PDCD6IP: variants seen among roughly 807,000 people sequenced by gnomAD.
PDCD6IP encodes programmed cell death 6-interacting protein.
PDCD6IP carries 43 observed loss-of-function variants against 103.7 expected under a neutral mutation model. That is an observed-to-expected ratio of 0.41 (90% CI 0.32 to 0.53). PDCD6IP has a LOEUF of 0.53. Among genes scored for constraint, PDCD6IP ranks in the 20% least tolerant of loss-of-function variants. PDCD6IP has a pLI of 0.16. For missense variants in PDCD6IP, 871 were observed against 1,036.7 expected, an observed-to-expected ratio of 0.84 and a Z score of 2.20; for synonymous variants, 354 against 378.7, an observed-to-expected ratio of 0.93 and a Z score of 0.76.
intron 4 of PDCD6IP, among the ~76,000 whole-genome samples, chr3:33,824,296 T>G (rs982181796): frequency 6.6e-6 from 1 of 151,828 alleles, no homozygotes; most frequent in African/African-American, 2.4e-5. Context: ...CTCGCTCTGT[T>G]GCCCAGGCAG....
At chr3:33,800,741 AG>A (rs1397639309) in intron 1 of PDCD6IP, among the ~76,000 whole-genome samples, 1 of 152,236 alleles carries the variant, frequency 6.6e-6, no homozygotes, top group Non-Finnish European at 1.5e-5. Flanking sequence ...AGTAATATTA[AG>A]AAAACATAGT....
At position 33,869,166 on chromosome 3, in the gene PDCD6IP, C is replaced by T. The variant is rs2125458362; in HGVS notation, c.*2641C>T. 1 of 152,276 alleles carries T rather than the reference C, an allele frequency of 6.6e-6. No individual in the cohort carries two copies. The highest frequency in any genetic ancestry group is 1.9e-4 in the East Asian group (1 of 5,190). 9.4% of individuals were successfully genotyped at this position (152,276 alleles called of 1,614,324 possible). ...AAAAATGTTTTCCATTTGAACTTTA[C>T]AGTTTGCAAAAGTGCTTTTATACAT... On this transcript the variant is annotated 3_prime_UTR_variant, in exon 18 of 18. Coordinates refer to ENST00000307296, the MANE Select transcript of PDCD6IP (RefSeq NM_013374.6).
At chr3:33,847,410 C>T (rs1295112047) in intron 12 of PDCD6IP, among the ~76,000 whole-genome samples, 10 of 152,082 alleles carry the variant, frequency 6.6e-5, no homozygotes, top group Non-Finnish European at 1.3e-4. Flanking sequence ...ATTTTCTTGA[C>T]GGGGTAACCA....
chr3:33,864,818 A>C (rs568624251), intron 16 of PDCD6IP, among the ~76,000 whole-genome samples: 2 of 152,376 alleles, frequency 1.3e-5, no homozygotes, highest in South Asian at 2.1e-4. Context: ...ATAAAGCAGA[A>C]ATGACAAATG....
At chr3:33,805,345 A>G (rs1326530223) in intron 1 of PDCD6IP, among the ~76,000 whole-genome samples, 1 of 147,488 alleles carries the variant, frequency 6.8e-6, no homozygotes, top group Non-Finnish European at 1.5e-5. Flanking sequence ...ACAGAGTGAG[A>G]TTCTGTCTCA....
At chr3:33,825,366 C>A (rs780253322) in intron 5 of PDCD6IP, 26 bp downstream of exon 5, 2 of 1,564,574 alleles carry the variant, frequency 1.3e-6, no homozygotes, top group Middle Eastern at 1.7e-4. Context: ...CTTTTTGTTG[C>A]ATGTGAAAAA....
chr3:33,845,881 G>A (rs1333475415), intron 12 of PDCD6IP, among the ~76,000 whole-genome samples: 1 of 152,152 alleles, frequency 6.6e-6, no homozygotes, highest in African/African-American at 2.4e-5. Flanking sequence ...AAGCTTGGAA[G>A]TATAGAAATT....
intron 1 of PDCD6IP, among the ~76,000 whole-genome samples, chr3:33,808,476 C>T (rs1696646025): frequency 6.6e-6 from 1 of 152,156 alleles, no homozygotes; most frequent in African/African-American, 2.4e-5. Context: ...GATGAGGTCT[C>T]ACTATGTGCC....
chr3:33,855,451 AAGC>A, intron 15 of PDCD6IP, 191 bp downstream of exon 15: 1 of 372,202 alleles, frequency 2.7e-6, no homozygotes, highest in Non-Finnish European at 4.6e-6. Flanking sequence ...GGATGAAAAG[AAGC>A]AGAAACTCTA....
rs531346086 is a variant in PDCD6IP, at chr3:33,867,465, T to G, written c.*940T>G. On this transcript the variant is annotated 3_prime_UTR_variant, in exon 18 of 18. Transcript: ENST00000307296. ...CACTTACTGTACCCTCTCATCCTTT[T>G]TCCACCTTACTGTGTTAACTTAGTG... 35 of 152,334 alleles carry G rather than the reference T, an allele frequency of 2.3e-4. No individual in the cohort carries two copies. Among genetic ancestry groups the G allele is most frequent in the African/African-American group, 6.7e-4 (28 of 41,574 alleles). 9.4% of individuals were successfully genotyped at this position (152,334 alleles called of 1,614,324 possible).
chr3:33,801,637 C>CAAAAT (rs746361445), intron 1 of PDCD6IP, among the ~76,000 whole-genome samples: 1 of 144,698 alleles, frequency 6.9e-6, no homozygotes, highest in African/African-American at 2.5e-5. Flanking sequence ...CAAAACAAAA[C>CAAAAT]AACAACAACA....
chr3:33,814,671 A>G (rs1363586849), intron 3 of PDCD6IP, among the ~76,000 whole-genome samples: 1 of 137,728 alleles, frequency 7.3e-6, no homozygotes, highest in Non-Finnish European at 1.5e-5. Flanking sequence ...GCATGTATGT[A>G]TATATGTGTA....
In PDCD6IP at chr3:33,841,823, T is replaced by G; in HGVS notation, c.1182-74T>G. 5.1e-6 allele frequency: 5 copies of G among 984,192 alleles called. No homozygotes were observed. In the Middle Eastern group the frequency reaches 7.6e-4, roughly 149 times the overall value. 61.0% of individuals were successfully genotyped at this position (984,192 alleles called of 1,614,324 possible). ...GTTGATTTGGTTATAGAATACTAAA[T>G]TAAATAAAGTAAGTATTGATGAGGA... On this transcript the variant is annotated intron_variant, in intron 9 of 17. Coordinates refer to ENST00000307296, the MANE Select transcript of PDCD6IP (RefSeq NM_013374.6).
Position 33,852,449 on chromosome 3 carries a change from T to TTC in PDCD6IP, c.1642-38_1642-37insCT, listed in dbSNP as rs1575939948. Reference sequence around the variant, plus strand: ...TTCTCGAAATTGGCTTTTTTTTTTTTTTTTTTTGCAGTTAAACTAAGGTGT... The same window carrying TTC: ...TTCTCGAAATTGGCTTTTTTTTTTTTTCTTTTTTTGCAGTTAAACTAAGGTGT... On this transcript the variant is annotated intron_variant, in intron 12 of 17. Transcript: ENST00000307296. 6 of 1,286,400 alleles carry TTC rather than the reference T, an allele frequency of 4.7e-6. No individual in the cohort carries two copies. In the East Asian group the frequency reaches 2.1e-4, roughly 46 times the overall value. 79.7% of individuals were successfully genotyped at this position (1,286,400 alleles called of 1,614,324 possible).
intron 3 of PDCD6IP, among the ~76,000 whole-genome samples, chr3:33,817,381 T>C (rs1696878348): frequency 6.6e-6 from 1 of 152,244 alleles, no homozygotes. Flanking sequence ...TGTTGGGTGA[T>C]TTTTAATTAT....
chr3:33,860,717 G>T (rs1003748228), intron 15 of PDCD6IP, among the ~76,000 whole-genome samples: 1 of 152,086 alleles, frequency 6.6e-6, no homozygotes, highest in African/African-American at 2.4e-5. Flanking sequence ...GTGTGTATTT[G>T]TAGATCTTTT....
At chr3:33,803,128 A>C (rs1696513222) in intron 1 of PDCD6IP, among the ~76,000 whole-genome samples, 1 of 151,922 alleles carries the variant, frequency 6.6e-6, no homozygotes, top group African/African-American at 2.4e-5. Context: ...TTACATTTTT[A>C]AATTCTTGTT....
intron 1 of PDCD6IP, among the ~76,000 whole-genome samples, chr3:33,807,213 G>C (rs1163842763): frequency 6.6e-6 from 1 of 152,216 alleles, no homozygotes; most frequent in Non-Finnish European, 1.5e-5. Context: ...TGCAGAGGAA[G>C]TAACCTCATT....
At chr3:33,863,606 T>C (rs1036394371) in intron 15 of PDCD6IP, among the ~76,000 whole-genome samples, 2 of 152,232 alleles carry the variant, frequency 1.3e-5, no homozygotes, top group African/African-American at 4.8e-5. Flanking sequence ...CATTATATTT[T>C]TTATGGCTGA....
Sources: gnomAD v4.1 joint callset for allele counts (sites outside exome capture counted in the v4.1 genomes callset) on GRCh38, gnomAD v4.1.1 for gene constraint, MANE v1.5 for transcripts, NCBI Gene and HGNC (gene_info 2026-07-23, HGNC 2026-07-21) for gene names.